Variants in ABCC1 observed in about 807,000 individuals in gnomAD.
ABCC1 encodes the protein ATP binding cassette subfamily C member 1 (ABCC1 blood group), also known as multidrug resistance-associated protein 1.
ABCC1 carries 83 observed loss-of-function variants against 172.9 expected under a neutral mutation model. The ratio of observed to expected loss-of-function variants is 0.48; its 90% CI spans 0.40 to 0.58. The LOEUF is 0.58. ABCC1 is among the 20% of genes least tolerant of loss of function. The pLI, the probability that ABCC1 is intolerant of heterozygous loss-of-function variation, is 0.00. For synonymous variants in ABCC1, 937 were observed against 825.2 expected (o/e 1.14, Z -2.32); for missense variants, 1,817 against 2,002.7 (o/e 0.91, Z 1.77).
intron 1 of ABCC1, among the ~76,000 whole-genome samples, chr16:16,000,345 A>G (rs2047261250): frequency 7.0e-6 from 1 of 143,260 alleles, no homozygotes; most frequent in Non-Finnish European, 1.6e-5. Flanking sequence ...GGGTTTCACC[A>G]TGTTGTCCAG....
In ABCC1 at chr16:16,036,507, G is replaced by C; in HGVS notation, c.713G>C (p.Gly238Ala). Residue 238 changes from glycine to alanine, a missense_variant, in exon 7 of 31, where the codon GGC becomes GCC. By Grantham distance (60) the Gly-to-Ala change is moderately conservative. Around this residue, in one of 3 missense-constraint regions of ABCC1, gnomAD observed 398 missense variants for 384.2 expected, o/e 1.04. Transcript: ENST00000399410. ...CGGGGCTACCGCCAGCCCCTGGAGG[G>C]CAGTGACCTCTGGTCCTTAAACAAG... ...IVRGYRQPLE[G>A]SDLWSLNKED... is the part of the protein sequence containing the mutation. 1.2e-6 allele frequency: 2 copies of C among 1,614,038 alleles called. No homozygotes were observed. Among genetic ancestry groups the C allele is most frequent in the East Asian group, 2.2e-5 (1 of 44,862 alleles).
chr16:15,975,626 G>A (rs1030689936), intron 1 of ABCC1, among the ~76,000 whole-genome samples: 2 of 151,402 alleles, frequency 1.3e-5, no homozygotes, highest in Non-Finnish European at 2.9e-5. Context: ...GTGGGGTCTC[G>A]GCTCACAGCA....
upstream of ABCC1, among the ~76,000 whole-genome samples, chr16:15,949,359 A>C (rs1298370971): frequency 6.6e-6 from 1 of 151,708 alleles, no homozygotes; most frequent in East Asian, 1.9e-4. Context: ...CAAAGATCCC[A>C]GGCGCTTCCG....
intron 24 of ABCC1, among the ~76,000 whole-genome samples, chr16:16,124,315 C>CTG (rs11270322): frequency 0.025 from 938 of 36,832 alleles, 38 homozygotes; most frequent in African/African-American, 0.079. Context: ...TGTTAATGCA[C>CTG]TGTGTGTGTG....
Position 16,122,019 on chromosome 16 carries a change from G to A in ABCC1, c.3435G>A (p.Ser1145=), listed in dbSNP as rs764095351. Residue 1145 remains serine, a synonymous_variant, in exon 24 of 31, where the codon TCG becomes TCA. Transcript: ENST00000399410. ...CCCGGCAGCTGAAGCGCCTCGAGTC[G>A]GTCAGCCGCTCCCCGGTCTATTCCC... The part of the protein sequence containing the change: ...ASSRQLKRLE[S]VSRSPVYSHF... 37 of 1,614,190 alleles carry A rather than the reference G, an allele frequency of 2.3e-5. No individual in the cohort carries two copies. The highest frequency in any genetic ancestry group is 1.1e-4 in the East Asian group (5 of 44,886).
intron 1 of ABCC1, among the ~76,000 whole-genome samples, chr16:15,986,424 C>G (rs1056052639): frequency 5.9e-5 from 9 of 152,194 alleles, no homozygotes; most frequent in South Asian, 2.1e-4. Flanking sequence ...GCGGGCAAGC[C>G]AGCATTACCA....
chr16:16,029,166 A>G (rs1597140306), intron 5 of ABCC1, among the ~76,000 whole-genome samples: 1 of 152,292 alleles, frequency 6.6e-6, no homozygotes, highest in African/African-American at 2.4e-5. Flanking sequence ...TTAGCCTTTT[A>G]TGATGGAAAC....
At chr16:16,030,127 A>G (rs2048512827) in intron 5 of ABCC1, among the ~76,000 whole-genome samples, 1 of 152,212 alleles carries the variant, frequency 6.6e-6, no homozygotes, top group South Asian at 2.1e-4. Context: ...TGGAGAAAAT[A>G]CTTGTTTCTT....
rs1016378447 is a variant in ABCC1 at position 16,048,005 on chromosome 16, A to G, written c.1219-137A>G. 19 of 1,122,928 alleles carry G rather than the reference A, an allele frequency of 1.7e-5. No homozygotes were observed. In the African/African-American group the frequency reaches 2.6e-4, roughly 16 times the overall value. 69.6% of individuals were successfully genotyped at this position (1,122,928 alleles called of 1,614,324 possible). On this transcript the variant is annotated intron_variant, in intron 9 of 30. Transcript: ENST00000399410. ...TGACACAGGCGTCCTGGGCAGACAG[A>G]TAGGTCGGGAGGGGAGGAGGAGAGA...
chr16:16,010,335 C>G (rs1009952361), intron 3 of ABCC1, among the ~76,000 whole-genome samples: 6 of 152,126 alleles, frequency 3.9e-5, no homozygotes, highest in African/African-American at 1.4e-4. Context: ...AGCCACTGTT[C>G]CCAGCCCCAG....
intron 1 of ABCC1, among the ~76,000 whole-genome samples, chr16:15,971,640 G>A (rs1409097372): frequency 5.9e-5 from 9 of 152,292 alleles, no homozygotes; most frequent in Non-Finnish European, 1.2e-4. Flanking sequence ...GGCGTTGAAT[G>A]GGGAACAGCA....
chr16:16,029,085 C>T (rs1015254127), intron 5 of ABCC1, among the ~76,000 whole-genome samples: 10 of 152,210 alleles, frequency 6.6e-5, no homozygotes, highest in Non-Finnish European at 1.5e-4. Flanking sequence ...TTCATCACCC[C>T]TCCGAGCCCC....
intron 24 of ABCC1, among the ~76,000 whole-genome samples, chr16:16,124,076 A>G (rs921082182): frequency 6.6e-6 from 1 of 152,194 alleles, no homozygotes; most frequent in Non-Finnish European, 1.5e-5. Flanking sequence ...GTAAAATAGT[A>G]TATTTTAACA....
intron 23 of ABCC1, 141 bp from the exon 24 acceptor site, chr16:16,121,833 AC>A (rs34655471): frequency 5.2e-5 from 38 of 734,858 alleles, no homozygotes; most frequent in East Asian, 2.7e-4. Flanking sequence ...GTGAGTGGGC[AC>A]CCCTGTGAGG....
intron 5 of ABCC1, among the ~76,000 whole-genome samples, chr16:16,025,716 AG>A (rs2048346276): frequency 6.6e-6 from 1 of 152,218 alleles, no homozygotes; most frequent in Non-Finnish European, 1.5e-5. Context: ...TTCAAACCAC[AG>A]GGTTTCTGGC....
At chr16:16,034,580 C>CTTTTTTTTTTT (rs35163690) in intron 6 of ABCC1, among the ~76,000 whole-genome samples, 3 of 84,668 alleles carry the variant, frequency 3.5e-5, no homozygotes, top group African/African-American at 5.2e-5. Flanking sequence ...TGTATGTTAA[C>CTTTTTTTTTTT]TTTTTTTTTT....
At chr16:16,035,812 A>G (rs1408420129) in intron 6 of ABCC1, among the ~76,000 whole-genome samples, 2 of 151,444 alleles carry the variant, frequency 1.3e-5, no homozygotes, top group African/African-American at 4.8e-5. Context: ...GCCTTTTTTA[A>G]TTTAAAATTT....
intron 21 of ABCC1, among the ~76,000 whole-genome samples, chr16:16,108,484 T>C (rs1048927238): frequency 1.3e-5 from 2 of 151,756 alleles, no homozygotes; most frequent in Non-Finnish European, 2.9e-5. Flanking sequence ...TTGGCCAGGC[T>C]GGTCTCAAAC....
chr16:16,018,601 G>T (rs963501533), intron 5 of ABCC1, among the ~76,000 whole-genome samples: 9 of 152,036 alleles, frequency 5.9e-5, no homozygotes, highest in African/African-American at 2.2e-4. Flanking sequence ...GGAGTCCCGT[G>T]TTGGTATTTC....
Sources: allele counts gnomAD v4.1 joint callset (sites outside exome capture counted in the v4.1 genomes callset), GRCh38; gene constraint gnomAD v4.1.1; regional missense constraint gnomAD v4.1.1; transcripts MANE v1.5; gene names NCBI Gene and HGNC (gene_info 2026-07-23, HGNC 2026-07-21).